Variants in ZNF808 observed in about 807,000 individuals in gnomAD.
ZNF808 encodes zinc finger protein 808.
ZNF808 carries 5 observed loss-of-function variants against 8.7 expected under a neutral mutation model. The observed-to-expected ratio is 0.58, with a 90% CI of 0.30 to 1.21. The LOEUF (loss-of-function observed/expected upper bound fraction) is 1.21, where lower values mean the gene tolerates loss of function less well. ZNF808 is among the 50% of genes most tolerant of loss of function. The probability of loss-of-function intolerance (pLI) is 0.07; values close to 1 mark genes in which losing one functional copy is unlikely to be tolerated. For synonymous variants in ZNF808, 380 were observed against 366.0 expected (o/e 1.04, Z -0.44); for missense variants, 1,103 against 1,098.4 (o/e 1.00, Z -0.06).
At chr19:52,552,703 G>GTT (rs33948596) in intron 4 of ZNF808, among the ~76,000 whole-genome samples, 7,187 of 141,060 alleles carry the variant, frequency 0.051, 396 homozygotes, top group African/African-American at 0.14. Context: ...ATGTTGTGTG[G>GTT]TTTTTTTTTT....
At chr19:52,566,473 A>G (rs1025507624), downstream of ZNF808, among the ~76,000 whole-genome samples, 3 of 152,134 alleles carry the variant, frequency 2.0e-5, no homozygotes, top group African/African-American at 7.2e-5. Flanking sequence ...GCCAAAAGAT[A>G]TATTTCTAGT....
rs2059805726 is a variant in ZNF808, at chr19:52,553,989, T to C, written c.1073T>C (p.Leu358Pro). 1 of 1,614,142 alleles carries C rather than the reference T, an allele frequency of 6.2e-7. No individual in the cohort carries two copies. The change falls in exon 5 of 5, where the codon CTT (leucine) becomes CCT (proline). Residue 358 changes from leucine (L) to proline (P), a missense_variant. By Grantham distance (98) the Leu-to-Pro change is moderately conservative. Transcript: ENST00000359798. ...CGKAFNQQSH[L>P]SRHQRLHTGV... ...AAGGCTTTTAATCAACAATCACACC[T>C]TTCACGCCATCAAAGACTTCATACT...
intron 3 of ZNF808, among the ~76,000 whole-genome samples, chr19:52,561,468 C>A (rs1438707042): frequency 1.3e-5 from 2 of 151,758 alleles, no homozygotes; most frequent in African/African-American, 4.8e-5. Flanking sequence ...CCTCACTTAG[C>A]GTATGTGCAA....
At chr19:52,547,327 A>G (rs2059731767) in intron 3 of ZNF808, among the ~76,000 whole-genome samples, 185 bp from the exon 4 acceptor site, 1 of 152,114 alleles carries the variant, frequency 6.6e-6, no homozygotes, top group Admixed American at 6.6e-5. Context: ...GGATCTTAAA[A>G]TCTTTCAAGG....
In ZNF808 at chr19:52,554,194, T is replaced by A. The variant is rs1276793688; in HGVS notation, c.1278T>A (p.Pro426=). The change falls in exon 5 of 5, where the codon CCT becomes CCA. Residue 426 remains proline, a synonymous_variant. Coordinates refer to ENST00000359798, the MANE Select transcript of ZNF808 (RefSeq NM_001039886.4). ...RHHILHTGEK[P]YKCEECDKVF... The stretch of plus-strand genomic sequence containing the variant: ...ATATACTTCATACTGGAGAGAAACC[T>A]TACAAATGTGAAGAATGTGACAAAG... 6.2e-7 allele frequency: 1 copy of A among 1,613,698 alleles called. No individual in the cohort carries two copies. The highest frequency in any genetic ancestry group is 1.7e-4 in the Middle Eastern group (1 of 6,058).
At chr19:52,565,505 C>T (rs926749719), downstream of ZNF808, among the ~76,000 whole-genome samples, 52 of 152,170 alleles carry the variant, frequency 3.4e-4, no homozygotes, top group African/African-American at 1.3e-3. Context: ...CAAAATAGTT[C>T]TGTTGAATTT....
At chr19:52,531,647 G>A (rs1437877598) in intron 1 of ZNF808, among the ~76,000 whole-genome samples, 1 of 152,080 alleles carries the variant, frequency 6.6e-6, no homozygotes, top group Non-Finnish European at 1.5e-5. Context: ...TTCAGACCAG[G>A]AAGTCTGCAT....
intron 1 of ZNF808, among the ~76,000 whole-genome samples, chr19:52,531,871 CAGTT>C (rs1354442749): frequency 1.3e-5 from 2 of 152,126 alleles, no homozygotes; most frequent in Non-Finnish European, 2.9e-5. Flanking sequence ...CACTGTTAGT[CAGTT>C]CTTATTCCTT....
At chr19:52,528,686 G>T (rs185772566) in intron 1 of ZNF808, among the ~76,000 whole-genome samples, 26 of 152,128 alleles carry the variant, frequency 1.7e-4, no homozygotes, top group Middle Eastern at 3.4e-3. Flanking sequence ...GAGTGGTGCT[G>T]GTGTCAAGGA....
chr19:52,544,733 T>C (rs1438527307), intron 3 of ZNF808, among the ~76,000 whole-genome samples: 2 of 152,094 alleles, frequency 1.3e-5, no homozygotes, highest in Non-Finnish European at 2.9e-5. Context: ...GATCCTCCCC[T>C]CTTGGTCTCC....
chr19:52,553,939 A>G lies in ZNF808; in HGVS notation c.1023A>G (p.Lys341=). Residue 341 remains lysine (K), a synonymous_variant, in exon 5 of 5, where the codon AAA becomes AAG. Coordinates refer to ENST00000359798, the MANE Select transcript of ZNF808 (RefSeq NM_001039886.4). ...VIHKAIHTGE[K]PYKCNECGKA... ...ATAAGGCAATTCATACTGGAGAGAAACCTTACAAGTGTAATGAATGTGGCA... is the reference window on the plus strand; with the variant it reads ...ATAAGGCAATTCATACTGGAGAGAAGCCTTACAAGTGTAATGAATGTGGCA... 6.2e-7 allele frequency: 1 copy of G among 1,614,122 alleles called. No homozygotes were observed. Among genetic ancestry groups the G allele is most frequent in the East Asian group, 2.2e-5 (1 of 44,870 alleles).
Position 52,555,015 on chromosome 19 carries a change from T to A in ZNF808, c.2099T>A (p.Ile700Asn). The A allele has an allele frequency of 3.1e-6, 5 of 1,613,958 alleles. No individual in the cohort carries two copies. The highest frequency in any genetic ancestry group is 4.2e-6 in the Non-Finnish European group (5 of 1,179,976). ...TCCTATGTGGCAAAACATACTAGAA[T>A]TCACAGTGGAATGAAACCTTACAAG... ...CRSYVAKHTRIHSGMKPYKCN... is the reference protein window; with the variant it reads ...CRSYVAKHTRNHSGMKPYKCN... The change falls in exon 5 of 5, where the codon ATT (isoleucine) becomes AAT (asparagine). Residue 700 changes from isoleucine to asparagine, a missense_variant. By Grantham distance (149) the Ile-to-Asn change is moderately radical (BLOSUM62 -3). Transcript: ENST00000359798.
At chr19:52,531,413 T>G (rs2059560806) in intron 1 of ZNF808, among the ~76,000 whole-genome samples, 1 of 152,000 alleles carries the variant, frequency 6.6e-6, no homozygotes, top group East Asian at 1.9e-4. Flanking sequence ...AGGCAAAGGT[T>G]GTGGTGAGCC....
intron 3 of ZNF808, among the ~76,000 whole-genome samples, chr19:52,546,633 C>G (rs1263709937): frequency 1.4e-5 from 2 of 146,160 alleles, no homozygotes; most frequent in Admixed American, 7.1e-5. Flanking sequence ...AGAGAAAACC[C>G]TGTGTTTGCT....
chr19:52,553,270 A>C lies in ZNF808; in HGVS notation c.354A>C (p.Gln118His). ...TTCATAACATTGAGTTTCAGTGTCAAGAAGATGAAAGAAATGGCCATGAAG... is the reference window on the plus strand; with the variant it reads ...TTCATAACATTGAGTTTCAGTGTCACGAAGATGAAAGAAATGGCCATGAAG... ...KEIHNIEFQC[Q>H]EDERNGHEAP... is the part of the protein sequence containing the mutation. Residue 118 changes from glutamine to histidine, a missense_variant, in exon 5 of 5, where the codon CAA becomes CAC. Physicochemically the swap from Gln to His is conservative, Grantham distance 24. Transcript: ENST00000359798. 1.9e-6 allele frequency: 3 copies of C among 1,613,922 alleles called. No individual in the cohort carries two copies. The highest frequency in any genetic ancestry group is 2.5e-6 in the Non-Finnish European group (3 of 1,179,954).
chr19:52,543,343 C>T lies in ZNF808; in HGVS notation c.59C>T (p.Pro20Leu), dbSNP rs771563799. 23 of 1,612,862 alleles carry T rather than the reference C, an allele frequency of 1.4e-5. No individual in the cohort carries two copies. Among genetic ancestry groups the T allele is most frequent in the East Asian group, 2.2e-5 (1 of 44,894 alleles). ...GGAAAGGAGTCAGGCATGGCTCTTC[C>T]TCAGGTGAAGTGATATTCCTCTGTG... Reference protein sequence around the residue: ...RKGKESGMALPQGRLTFRDVA... With the variant: ...RKGKESGMALLQGRLTFRDVA... The change falls in exon 3 of 5, where the codon CCT (proline) becomes CTT (leucine). Residue 20 changes from proline (P) to leucine (L), a missense_variant. Physicochemically the swap from Pro to Leu is moderately conservative, Grantham distance 98 (BLOSUM62 -3). Transcript: ENST00000359798.
chr19:52,567,718 T>C (rs572509056), downstream of ZNF808, among the ~76,000 whole-genome samples: 44 of 151,060 alleles, frequency 2.9e-4, no homozygotes, highest in African/African-American at 1.1e-3. Context: ...AGAGACGGGG[T>C]TTCTCTATAT....
intron 1 of ZNF808, 114 bp from the exon 2 acceptor site, chr19:52,532,794 G>C (rs1475023303): frequency 6.5e-6 from 1 of 153,920 alleles, no homozygotes; most frequent in African/African-American, 2.4e-5. Flanking sequence ...AAACTTTGAA[G>C]ATCATGTTTG....
At chr19:52,533,773 G>T (rs2059580647) in intron 2 of ZNF808, among the ~76,000 whole-genome samples, 1 of 141,802 alleles carries the variant, frequency 7.1e-6, no homozygotes, top group South Asian at 2.3e-4. Flanking sequence ...AACCTGAGAG[G>T]CAGAGGTTGC....
Sources: allele counts gnomAD v4.1 joint callset (sites outside exome capture counted in the v4.1 genomes callset), GRCh38; gene constraint gnomAD v4.1.1; transcripts MANE v1.5; gene names NCBI Gene and HGNC (gene_info 2026-07-23, HGNC 2026-07-21).